The following NHS variants were observed in gnomAD, a reference collection of about 807,000 sequenced individuals.
NHS encodes NHS actin remodeling regulator.
NHS carries 5 observed loss-of-function variants against 72.5 expected under a neutral mutation model. That is an observed-to-expected ratio of 0.07 (90% CI 0.04 to 0.14). The LOEUF is 0.14. NHS is among the 10% of genes least tolerant of loss of function. NHS has a pLI of 1.00. For missense variants in NHS, 1,072 were observed against 1,355.7 expected, an observed-to-expected ratio of 0.79 and a Z score of 3.29; for synonymous variants, 464 against 547.7, an observed-to-expected ratio of 0.85 and a Z score of 2.13.
intron 1 of NHS, among the ~76,000 whole-genome samples, chrX:17,489,500 TTG>T (rs751276576): frequency 1.4e-3 from 159 of 111,774 alleles, no homozygotes; most frequent in Non-Finnish European, 2.4e-3. Flanking sequence ...GTTGTTGTTG[TTG>T]TTTGAGATGG....
chrX:17,681,092 T>C (rs1210250269), intron 1 of NHS, among the ~76,000 whole-genome samples: 3 of 111,917 alleles, frequency 2.7e-5, no homozygotes, highest in Admixed American at 9.5e-5. Context: ...GGCTCCCCAG[T>C]TGTGGGCAGT....
At chrX:17,463,218 G>A (rs964291628) in intron 1 of NHS, among the ~76,000 whole-genome samples, 8 of 111,635 alleles carry the variant, frequency 7.2e-5, no homozygotes, top group Non-Finnish European at 1.3e-4. Context: ...GGAAATTTCC[G>A]AAGAACTAGT....
At chrX:17,411,607 T>C (rs1048097260) in intron 1 of NHS, among the ~76,000 whole-genome samples, 5 of 111,921 alleles carry the variant, frequency 4.5e-5, no homozygotes, top group African/African-American at 1.6e-4. Flanking sequence ...TTAGATTTTT[T>C]TTAAAAAAAG....
chrX:17,459,170 C>G (rs1256166269), intron 1 of NHS, among the ~76,000 whole-genome samples: 1 of 112,653 alleles, frequency 8.9e-6, no homozygotes, highest in Non-Finnish European at 1.9e-5. Flanking sequence ...GTGGGTTGGT[C>G]TTACTAGGTC....
chrX:17,525,318 C>T (rs1348121957), intron 1 of NHS, among the ~76,000 whole-genome samples: 1 of 111,748 alleles, frequency 8.9e-6, no homozygotes, highest in Non-Finnish European at 1.9e-5. Flanking sequence ...TTCTCACCAT[C>T]TGAACCCTGC....
chrX:17,467,884 G>T (rs1304405053), intron 1 of NHS, among the ~76,000 whole-genome samples: 1 of 111,670 alleles, frequency 9.0e-6, no homozygotes, highest in African/African-American at 3.3e-5. Context: ...TTGATTAATT[G>T]GCTATTTTGA....
At chrX:17,538,630 T>C (rs1259197421) in intron 1 of NHS, among the ~76,000 whole-genome samples, 1 of 111,438 alleles carries the variant, frequency 9.0e-6, no homozygotes, top group Non-Finnish European at 1.9e-5. Flanking sequence ...GAGAGGGTCA[T>C]AGGTGTACGG....
chrX:17,555,804 G>T (rs908610883), intron 1 of NHS, among the ~76,000 whole-genome samples: 1 of 111,785 alleles, frequency 8.9e-6, no homozygotes, highest in East Asian at 2.8e-4. Flanking sequence ...AGGAGGTTTT[G>T]GGGGCCTAGG....
At chrX:17,537,905 A>G (rs943995223) in intron 1 of NHS, among the ~76,000 whole-genome samples, 1 of 111,729 alleles carries the variant, frequency 9.0e-6, no homozygotes, top group African/African-American at 3.3e-5. Flanking sequence ...TGCTGAGCAG[A>G]TGGGGATCAG....
intron 3 of NHS, among the ~76,000 whole-genome samples, chrX:17,697,528 G>A (rs964057847): frequency 8.9e-6 from 1 of 111,847 alleles, no homozygotes; most frequent in African/African-American, 3.3e-5. Context: ...CAACATACAG[G>A]AACTTAGAGA....
At chrX:17,388,735 A>C (rs1267557852) in intron 1 of NHS, among the ~76,000 whole-genome samples, 1 of 110,136 alleles carries the variant, frequency 9.1e-6, no homozygotes, top group Non-Finnish European at 1.9e-5. Flanking sequence ...TTTTAAGCCC[A>C]GGAGAAACAT....
chrX:17,587,274 C>T (rs2065580525), intron 1 of NHS: 1 of 112,148 alleles, frequency 8.9e-6, no homozygotes, highest in African/African-American at 3.2e-5. Context: ...AGTCTAAAAA[C>T]CACGTAACAC....
intron 1 of NHS, among the ~76,000 whole-genome samples, chrX:17,441,594 C>CTGTA (rs1048025287): frequency 8.0e-5 from 9 of 111,811 alleles, no homozygotes; most frequent in African/African-American, 2.6e-4. Context: ...CTGCCCTGTA[C>CTGTA]TGTATCATGG....
At chrX:17,595,558 A>C (rs2065620990) in intron 1 of NHS, among the ~76,000 whole-genome samples, 1 of 111,788 alleles carries the variant, frequency 8.9e-6, no homozygotes, top group Non-Finnish European at 1.9e-5. Flanking sequence ...CCTGGGGTCA[A>C]GGTTTCTTTG....
intron 3 of NHS, among the ~76,000 whole-genome samples, chrX:17,697,076 G>C (rs998583785): frequency 9.9e-5 from 11 of 110,634 alleles, no homozygotes; most frequent in African/African-American, 3.0e-4. Context: ...CTACAAAAAA[G>C]GGCCTAAAAG....
intron 3 of NHS, among the ~76,000 whole-genome samples, chrX:17,700,935 A>G (rs1363805245): frequency 2.7e-5 from 3 of 112,173 alleles, no homozygotes; most frequent in Non-Finnish European, 5.6e-5. Flanking sequence ...AGCACATAAT[A>G]ATGTTTCTGT....
intron 1 of NHS, among the ~76,000 whole-genome samples, chrX:17,517,769 A>G (rs909984463): frequency 5.4e-5 from 6 of 111,782 alleles, no homozygotes; most frequent in Admixed American, 9.5e-5. Flanking sequence ...GAGAGAGAAA[A>G]TCCATTTATT....
chrX:17,730,694 A>C (rs1198998165), intron 8 of NHS, among the ~76,000 whole-genome samples: 1 of 112,647 alleles, frequency 8.9e-6, no homozygotes. Context: ...AGATGTATTG[A>C]GTTTGGTAAT....
At position 17,727,934 on chromosome X, in the gene NHS, G is replaced by A; in HGVS notation, c.3828G>A (p.Arg1276=). The change falls in exon 7 of 9, where the codon AGG becomes AGA. Residue 1276 remains arginine (R), a synonymous_variant. Transcript: ENST00000676302. ...NCAFPTEGFQ[R]VSAARPNDLD... is the part of the protein sequence containing the mutation. ...CTTTTCCCACAGAAGGATTTCAGAGGGTCTCTGCTGCCCGCCCAAATGATT... is the reference window on the plus strand; with the variant it reads ...CTTTTCCCACAGAAGGATTTCAGAGAGTCTCTGCTGCCCGCCCAAATGATT... 1 of 1,211,344 alleles carries A rather than the reference G, an allele frequency of 8.3e-7. No homozygotes were observed. The highest frequency in any genetic ancestry group is 1.8e-5 in the South Asian group (1 of 56,949).
Sources: gnomAD v4.1 joint callset for allele counts (sites outside exome capture counted in the v4.1 genomes callset) on GRCh38, gnomAD v4.1.1 for gene constraint, MANE v1.5 for transcripts, NCBI Gene and HGNC (gene_info 2026-07-23, HGNC 2026-07-21) for gene names.